Variants in ITPRIP observed in about 807,000 individuals in gnomAD.
ITPRIP encodes inositol 1,4,5-trisphosphate receptor-interacting protein.
In ITPRIP, 32 loss-of-function variants were observed where a neutral mutation model predicts 35.8. The ratio of observed to expected loss-of-function variants is 0.89; its 90% CI spans 0.68 to 1.20. The LOEUF is 1.20. ITPRIP is among the 50% of genes most tolerant of loss of function. The pLI is 0.00. For missense variants in ITPRIP, 653 were observed against 735.6 expected (o/e 0.89, Z 1.30); for synonymous variants, 358 against 324.0 (o/e 1.11, Z -1.13).
intron 1 of ITPRIP, among the ~76,000 whole-genome samples, chr10:104,322,321 C>T (rs886782758): frequency 2.0e-5 from 3 of 152,230 alleles, no homozygotes; most frequent in East Asian, 3.8e-4. Context: ...CATCTACTCC[C>T]ACTGAGGGTT....
At chr10:104,335,201 G>A (rs1386686182) in intron 1 of ITPRIP, among the ~76,000 whole-genome samples, 1 of 152,134 alleles carries the variant, frequency 6.6e-6, no homozygotes, top group Non-Finnish European at 1.5e-5. Flanking sequence ...TGAAATGCTC[G>A]GTTCCAGCTA....
In ITPRIP at chr10:104,312,862, C is replaced by A; in HGVS notation, c.*1546G>T. ...CGGGAAGGCATGGCCGGCTTAAACCCTGGAGGAACACGGTATATTCTTGAC... is the reference window on the plus strand; with the variant it reads ...CGGGAAGGCATGGCCGGCTTAAACCATGGAGGAACACGGTATATTCTTGAC... On this transcript the variant is annotated 3_prime_UTR_variant, in exon 2 of 2. Coordinates refer to ENST00000337478, the MANE Select transcript of ITPRIP (RefSeq NM_001272013.2). 1 of 985,412 alleles carries A rather than the reference C, an allele frequency of 1.0e-6. No individual in the cohort carries two copies. Among genetic ancestry groups the A allele is most frequent in the South Asian group, 4.7e-5 (1 of 21,284 alleles). The allele number at this position is 985,412 out of a possible 1,614,324, so 61.0% of individuals were successfully genotyped here. A position where few individuals can be genotyped will look rare whatever the true frequency, so the allele number is the denominator to read the frequency against.
At chr10:104,327,696 T>C (rs1056669220) in intron 1 of ITPRIP, among the ~76,000 whole-genome samples, 2 of 152,182 alleles carry the variant, frequency 1.3e-5, no homozygotes, top group African/African-American at 4.8e-5. Flanking sequence ...GCTCTGTAGA[T>C]GCACCGGCAC....
intron 1 of ITPRIP, among the ~76,000 whole-genome samples, chr10:104,337,566 C>A (rs923536397): frequency 6.6e-6 from 1 of 151,152 alleles, no homozygotes; most frequent in Non-Finnish European, 1.5e-5. Flanking sequence ...CTTCACCAGG[C>A]GGCCAGAATG....
rs2013525465 is a variant in ITPRIP at position 104,312,978 on chromosome 10, G to A, written c.*1430C>T. The stretch of plus-strand genomic sequence containing the variant: ...GCCACAGGTGGAAAAGAGCCTTCCT[G>A]ATCCCCCTGAACCAGACCTGGAGAC... On this transcript the variant is annotated 3_prime_UTR_variant, in exon 2 of 2. Coordinates refer to ENST00000337478, the MANE Select transcript of ITPRIP (RefSeq NM_001272013.2). The A allele has an allele frequency of 4.1e-6, 4 of 985,316 alleles. No individual in the cohort carries two copies. Among genetic ancestry groups the A allele is most frequent in the East Asian group, 2.3e-4 (2 of 8,822 alleles). 61.0% of individuals were successfully genotyped at this position (985,316 alleles called of 1,614,324 possible).
Position 104,312,692 on chromosome 10 carries a change from C to T in ITPRIP, c.*1716G>A. 2 of 985,352 alleles carry T rather than the reference C, an allele frequency of 2.0e-6. No homozygotes were observed. Among genetic ancestry groups the T allele is most frequent in the South Asian group, 4.7e-5 (1 of 21,274 alleles). 61.0% of individuals were successfully genotyped at this position (985,352 alleles called of 1,614,324 possible). Reference sequence around the variant, plus strand: ...TGCCCTGATCACAGCCGAGCTGCCCCACCAGGAATTAACCCTGGTGGGCAA... The same window carrying T: ...TGCCCTGATCACAGCCGAGCTGCCCTACCAGGAATTAACCCTGGTGGGCAA... On this transcript the variant is annotated 3_prime_UTR_variant, in exon 2 of 2. Coordinates refer to ENST00000337478, the MANE Select transcript of ITPRIP (RefSeq NM_001272013.2).
At chr10:104,329,883 T>C (rs1402205288) in intron 1 of ITPRIP, among the ~76,000 whole-genome samples, 2 of 152,214 alleles carry the variant, frequency 1.3e-5, no homozygotes, top group African/African-American at 4.8e-5. Flanking sequence ...CTTTTTGATT[T>C]GTTAAATCGT....
Position 104,315,988 on chromosome 10 carries a change from G to A in ITPRIP, c.64C>T (p.Leu22=). 1 of 1,611,842 alleles carries A rather than the reference G, an allele frequency of 6.2e-7. No homozygotes were observed. The highest frequency in any genetic ancestry group is 8.5e-7 in the Non-Finnish European group (1 of 1,179,230). The change falls in exon 2 of 2, where the codon CTG becomes TTG. Residue 22 remains leucine (L), a synonymous_variant. Coordinates refer to ENST00000337478, the MANE Select transcript of ITPRIP (RefSeq NM_001272013.2). The surrounding 1 kb of genome is among the most constrained non-coding windows in gnomAD (Gnocchi z 5.7). ...VVTAIINHPL[L]FPRENATVPE... ...ACTGTGGCGTTCTCCCGCGGGAACAGCAGCGGGTGGTTGATGATGGCCGTC... is the reference window on the plus strand; with the variant it reads ...ACTGTGGCGTTCTCCCGCGGGAACAACAGCGGGTGGTTGATGATGGCCGTC...
At chr10:104,335,242 T>C (rs1035161156) in intron 1 of ITPRIP, among the ~76,000 whole-genome samples, 8 of 152,194 alleles carry the variant, frequency 5.3e-5, no homozygotes, top group Admixed American at 2.6e-4. Flanking sequence ...GTGTGGAAAC[T>C]AAGAGATCAT....
rs1331504576 is a variant in ITPRIP at position 104,315,260 on chromosome 10, T to G, written c.792A>C (p.Glu264Asp). ...SCICGKTKLG[E>D]DMLCLLHGRN... The stretch of plus-strand genomic sequence containing the variant: ...TGCCGTGCAGGAGACACAGCATGTC[T>G]TCCCCGAGCTTGGTCTTGCCGCAGA... Residue 264 changes from glutamate to aspartate, a missense_variant, in exon 2 of 2, where the codon GAA (glutamate) becomes GAC (aspartate). Transcript: ENST00000337478. The surrounding 1 kb of genome is among the most constrained non-coding windows in gnomAD (Gnocchi z 5.7). 1 of 1,607,844 alleles carries G rather than the reference T, an allele frequency of 6.2e-7. No individual in the cohort carries two copies.
chr10:104,313,947 T>C lies in ITPRIP; in HGVS notation c.*461A>G. 1.0e-6 allele frequency: 1 copy of C among 991,298 alleles called. No homozygotes were observed. The highest frequency in any genetic ancestry group is 1.1e-4 in the East Asian group (1 of 8,932). 61.4% of individuals were successfully genotyped at this position (991,298 alleles called of 1,614,324 possible). A position where few individuals can be genotyped will look rare whatever the true frequency, so the allele number is the denominator to read the frequency against. On this transcript the variant is annotated 3_prime_UTR_variant, in exon 2 of 2. Coordinates refer to ENST00000337478, the MANE Select transcript of ITPRIP (RefSeq NM_001272013.2). ...TCCCTGTTAGTGCTTTGGCTGCAGATGGTCAGGCCAGAAGCTCCTGGGAAT... is the reference window on the plus strand; with the variant it reads ...TCCCTGTTAGTGCTTTGGCTGCAGACGGTCAGGCCAGAAGCTCCTGGGAAT...
In ITPRIP at chr10:104,315,646, G is replaced by C; in HGVS notation, c.406C>G (p.Leu136Val). ...TGGCCAAGCGTGGCCTTGTTGGGCAGGGTGAGGCCCTGCAAGGGGGCGCCC... is the reference window on the plus strand; with the variant it reads ...TGGCCAAGCGTGGCCTTGTTGGGCACGGTGAGGCCCTGCAAGGGGGCGCCC... ...LGGAPLQGLT[L>V]PNKATLGHFY... Residue 136 changes from leucine (L) to valine (V), a missense_variant, in exon 2 of 2, where the codon CTG (leucine) becomes GTG (valine). By Grantham distance (32) the Leu-to-Val change is conservative (BLOSUM62 1). Transcript: ENST00000337478. This position sits in a 1 kb window ranked among gnomAD's most constrained non-coding sequence, Gnocchi z 5.7. 8 of 1,612,454 alleles carry C rather than the reference G, an allele frequency of 5.0e-6. No individual in the cohort carries two copies. The African/African-American group carries it at 9.3e-5, about 19-fold the overall frequency.
In ITPRIP at chr10:104,314,191, C is replaced by T. The variant is rs971010064; in HGVS notation, c.*217G>A. 7 of 1,363,450 alleles carry T rather than the reference C, an allele frequency of 5.1e-6. No homozygotes were observed. The African/African-American group carries it at 1.0e-4, about 20-fold the overall frequency. The allele number at this position is 1,363,450 out of a possible 1,614,324, so 84.5% of individuals were successfully genotyped here. ...GGGATCAGTCCCTAAACCCAAATAA[C>T]AGCTTTACCAGCAGATCCCAATGGT... On this transcript the variant is annotated 3_prime_UTR_variant, in exon 2 of 2. Transcript: ENST00000337478.
At chr10:104,323,920 C>T (rs2013920379) in intron 1 of ITPRIP, 2 of 153,866 alleles carry the variant, frequency 1.3e-5, no homozygotes, top group Admixed American at 6.5e-5. Flanking sequence ...CCACCGGTCC[C>T]TGCCTTCCTA....
chr10:104,312,726 T>C lies in ITPRIP; in HGVS notation c.*1682A>G. The C allele has an allele frequency of 2.0e-6, 2 of 985,334 alleles. No individual in the cohort carries two copies. The highest frequency in any genetic ancestry group is 6.1e-5 in the Admixed American group (1 of 16,268). 61.0% of individuals were successfully genotyped at this position (985,334 alleles called of 1,614,324 possible). On this transcript the variant is annotated 3_prime_UTR_variant, in exon 2 of 2. Transcript: ENST00000337478. ...TTAACCCTGGTGGGCAAAGGGTCCATCTTCTCAAGCTTTCTGAGGCTGGTT... is the reference window on the plus strand; with the variant it reads ...TTAACCCTGGTGGGCAAAGGGTCCACCTTCTCAAGCTTTCTGAGGCTGGTT...
rs1416635783 is a variant in ITPRIP at position 104,315,642 on chromosome 10, G to C, written c.410C>G (p.Pro137Arg). The change falls in exon 2 of 2, where the codon CCC becomes CGC. Residue 137 changes from proline (P) to arginine (R), a missense_variant. Transcript: ENST00000337478. The surrounding 1 kb of genome is among the most constrained non-coding windows in gnomAD (Gnocchi z 5.7). The stretch of plus-strand genomic sequence containing the variant: ...AAAGTGGCCAAGCGTGGCCTTGTTG[G>C]GCAGGGTGAGGCCCTGCAAGGGGGC... ...GGAPLQGLTLPNKATLGHFYE... is the reference protein window; with the variant it reads ...GGAPLQGLTLRNKATLGHFYE... The C allele has an allele frequency of 6.2e-7, 1 of 1,612,112 alleles. No individual in the cohort carries two copies. The highest frequency in any genetic ancestry group is 8.5e-7 in the Non-Finnish European group (1 of 1,179,744).
rs2135173040 is a variant in ITPRIP at position 104,313,157 on chromosome 10, C to G, written c.*1251G>C. On this transcript the variant is annotated 3_prime_UTR_variant, in exon 2 of 2. Coordinates refer to ENST00000337478, the MANE Select transcript of ITPRIP (RefSeq NM_001272013.2). ...GGGGCTCAGAGCCTGCAGACTGGAG[C>G]TAGGTTTCCATAGTTCTTGCTTCCA... 1.0e-6 allele frequency: 1 copy of G among 985,508 alleles called. No individual in the cohort carries two copies. The highest frequency in any genetic ancestry group is 6.1e-5 in the Admixed American group (1 of 16,290). The allele number at this position is 985,508 out of a possible 1,614,324, so 61.0% of individuals were successfully genotyped here.
intron 1 of ITPRIP, among the ~76,000 whole-genome samples, chr10:104,337,634 T>C (rs1443908611): frequency 6.6e-6 from 1 of 152,034 alleles, no homozygotes; most frequent in Non-Finnish European, 1.5e-5. Flanking sequence ...CAGAGAGTTA[T>C]TTGCAGCCCA....
intron 1 of ITPRIP, among the ~76,000 whole-genome samples, chr10:104,322,334 C>T (rs1294429056): frequency 6.6e-6 from 1 of 152,248 alleles, no homozygotes; most frequent in Non-Finnish European, 1.5e-5. Flanking sequence ...TGAGGGTTGA[C>T]TGACCACAGC....
Sources: allele counts gnomAD v4.1 joint callset (sites outside exome capture counted in the v4.1 genomes callset), GRCh38; gene constraint gnomAD v4.1.1; non-coding constraint Gnocchi (gnomAD v3.1); transcripts MANE v1.5; gene names NCBI Gene and HGNC (gene_info 2026-07-23, HGNC 2026-07-21).